The following PTPRD variants were observed in gnomAD, a reference collection of about 807,000 sequenced individuals.
PTPRD encodes the protein receptor-type tyrosine-protein phosphatase delta.
A neutral mutation model predicts 214.5 loss-of-function variants in PTPRD; 34 were observed. The observed-to-expected ratio is 0.16, with a 90% CI of 0.12 to 0.21. The LOEUF is 0.21. PTPRD is among the 10% of genes least tolerant of loss of function. The pLI, the probability that PTPRD is intolerant of heterozygous loss-of-function variation, is 1.00. For missense variants in PTPRD, 2,545 were observed against 2,398.7 expected, an observed-to-expected ratio of 1.06 and a Z score of -1.27; for synonymous variants, 1,128 against 845.7, an observed-to-expected ratio of 1.33 and a Z score of -5.79.
At chr9:9,470,861 T>G (rs1339104368) in intron 8 of PTPRD, among the ~76,000 whole-genome samples, 1 of 152,190 alleles carries the variant, frequency 6.6e-6, no homozygotes, top group Non-Finnish European at 1.5e-5. Context: ...AGGTTTAAAA[T>G]CAGGCAAGAT....
chr9:9,227,061 T>C (rs1315415234), intron 9 of PTPRD, among the ~76,000 whole-genome samples: 1 of 152,110 alleles, frequency 6.6e-6, no homozygotes, highest in African/African-American at 2.4e-5. Flanking sequence ...ACTCTTATAA[T>C]ACTTTGGTGA....
intron 4 of PTPRD, among the ~76,000 whole-genome samples, chr9:9,980,280 T>C (rs1334265792): frequency 1.3e-5 from 2 of 151,938 alleles, no homozygotes; most frequent in Non-Finnish European, 2.9e-5. Flanking sequence ...ATACTTGTAA[T>C]ATATAAACAT....
intron 39 of PTPRD, among the ~76,000 whole-genome samples, chr9:8,365,361 C>G (rs2079561717): frequency 6.6e-6 from 1 of 152,104 alleles, no homozygotes; most frequent in Admixed American, 6.5e-5. Flanking sequence ...GTTTCTCCTA[C>G]CCACAAGCTA....
At chr9:10,383,193 C>T (rs1366491621) in intron 2 of PTPRD, among the ~76,000 whole-genome samples, 3 of 151,860 alleles carry the variant, frequency 2.0e-5, no homozygotes, top group South Asian at 4.1e-4. Context: ...GCATTATTCA[C>T]AATTTAAATA....
At chr9:9,203,178 C>T (rs1390999109) in intron 9 of PTPRD, among the ~76,000 whole-genome samples, 7 of 151,834 alleles carry the variant, frequency 4.6e-5, no homozygotes, top group African/African-American at 1.2e-4. Flanking sequence ...TGCAGCGAGC[C>T]GAGATCGCAC....
intron 7 of PTPRD, among the ~76,000 whole-genome samples, chr9:9,715,721 A>C (rs192081922): frequency 9.2e-5 from 14 of 152,312 alleles, no homozygotes; most frequent in Admixed American, 9.2e-4. Context: ...CTTTCACTTC[A>C]ATATTAAAAT....
chr9:9,635,848 C>T (rs2095749196), intron 7 of PTPRD, among the ~76,000 whole-genome samples: 1 of 152,148 alleles, frequency 6.6e-6, no homozygotes. Context: ...TCTACATTTT[C>T]ACTACCAACA....
At chr9:10,219,698 T>C (rs1463097516) in intron 3 of PTPRD, among the ~76,000 whole-genome samples, 1 of 151,832 alleles carries the variant, frequency 6.6e-6, no homozygotes, top group Non-Finnish European at 1.5e-5. Context: ...TTTCCATACA[T>C]AAAAATCACT....
intron 3 of PTPRD, among the ~76,000 whole-genome samples, chr9:10,150,746 T>C (rs1037523699): frequency 6.6e-6 from 1 of 151,480 alleles, no homozygotes; most frequent in Non-Finnish European, 1.5e-5. Context: ...TCCTGATACA[T>C]CAGTGGCATG....
intron 3 of PTPRD, among the ~76,000 whole-genome samples, chr9:10,138,230 C>A (rs1240496882): frequency 6.6e-6 from 1 of 151,906 alleles, no homozygotes; most frequent in Non-Finnish European, 1.5e-5. Flanking sequence ...CACAGAAATA[C>A]AAAAGATCCT....
intron 11 of PTPRD, among the ~76,000 whole-genome samples, chr9:8,994,688 G>A (rs931554000): frequency 7.9e-5 from 12 of 151,922 alleles, no homozygotes; most frequent in African/African-American, 2.9e-4. Flanking sequence ...TTTTTGTAAT[G>A]AGTGACACAG....
At chr9:10,010,208 A>ATCTTT in intron 4 of PTPRD, among the ~76,000 whole-genome samples, 1 of 151,908 alleles carries the variant, frequency 6.6e-6, no homozygotes, top group African/African-American at 2.4e-5. Context: ...AGAAACTGCA[A>ATCTTT]TCCACATGTC....
intron 11 of PTPRD, among the ~76,000 whole-genome samples, chr9:8,955,569 C>T (rs1164631732): frequency 6.6e-6 from 1 of 151,684 alleles, no homozygotes; most frequent in African/African-American, 2.4e-5. Flanking sequence ...TTCCCTTGAG[C>T]CTTTCACAGA....
intron 7 of PTPRD, among the ~76,000 whole-genome samples, chr9:9,601,091 C>T (rs978949848): frequency 1.5e-5 from 2 of 132,260 alleles, no homozygotes; most frequent in East Asian, 5.0e-4. Flanking sequence ...GATAAATACA[C>T]TGGGAAAAGA....
At chr9:10,375,539 A>G (rs2097711594) in intron 2 of PTPRD, among the ~76,000 whole-genome samples, 1 of 152,032 alleles carries the variant, frequency 6.6e-6, no homozygotes, top group South Asian at 2.1e-4. Flanking sequence ...TCCCAAAGCA[A>G]AACCATGTTA....
chr9:10,570,518 A>G lies in PTPRD; in HGVS notation c.-600+41880T>C, dbSNP rs534420537. ...CGGAAGAATAGAACAAACCTTATGT[A>G]AATTGGAATTCTGAAGAACTTAGAT... On this transcript the variant is annotated intron_variant, in intron 2 of 45. Coordinates refer to ENST00000381196, the MANE Select transcript of PTPRD (RefSeq NM_002839.4). Among the ~76,000 whole-genome samples the G allele has an allele frequency of 1.2e-4, 18 of 152,244 alleles. No individual in the cohort carries two copies. The South Asian group carries it at 3.7e-3, about 32-fold the overall frequency.
At chr9:9,440,882 A>G (rs562158776) in intron 8 of PTPRD, among the ~76,000 whole-genome samples, 1 of 152,244 alleles carries the variant, frequency 6.6e-6, no homozygotes, top group African/African-American at 2.4e-5. Context: ...TAGAATGCGG[A>G]ATATTTATCA....
chr9:9,050,712 A>G (rs2099683400), intron 10 of PTPRD, among the ~76,000 whole-genome samples: 1 of 150,436 alleles, frequency 6.6e-6, no homozygotes, highest in Non-Finnish European at 1.5e-5. Flanking sequence ...GTAGCTGTCT[A>G]GGTTATTACG....
intron 2 of PTPRD, among the ~76,000 whole-genome samples, chr9:10,569,015 C>T (rs1356794422): frequency 6.6e-6 from 1 of 151,974 alleles, no homozygotes; most frequent in Non-Finnish European, 1.5e-5. Context: ...ATTTTTACAA[C>T]CTACTCACCT....
Sources: gnomAD v4.1 joint callset for allele counts (sites outside exome capture counted in the v4.1 genomes callset) on GRCh38, gnomAD v4.1.1 for gene constraint, MANE v1.5 for transcripts, NCBI Gene and HGNC (gene_info 2026-07-23, HGNC 2026-07-21) for gene names.